Variants in UBE2K observed in about 807,000 individuals in gnomAD.
UBE2K encodes ubiquitin conjugating enzyme E2 K.
UBE2K carries 6 observed loss-of-function variants against 30.0 expected under a neutral mutation model. The observed-to-expected ratio is 0.20, with a 90% CI of 0.11 to 0.39. UBE2K has a LOEUF of 0.39. UBE2K is among the 10% of genes least tolerant of loss of function. The pLI is 1.00. For missense variants in UBE2K, 61 were observed against 241.6 expected, an observed-to-expected ratio of 0.25 and a Z score of 4.96; for synonymous variants, 86 against 83.7, an observed-to-expected ratio of 1.03 and a Z score of -0.15.
chr4:39,736,813 G>A (rs1404932918), intron 1 of UBE2K, among the ~76,000 whole-genome samples: 1 of 152,188 alleles, frequency 6.6e-6, no homozygotes, highest in Non-Finnish European at 1.5e-5. Flanking sequence ...AAAACAAATT[G>A]AAGAAGGCCT....
intron 2 of UBE2K, among the ~76,000 whole-genome samples, chr4:39,739,152 C>T (rs1019823838): frequency 6.6e-6 from 1 of 151,888 alleles, no homozygotes; most frequent in Non-Finnish European, 1.5e-5. Flanking sequence ...CTCAGCCTTC[C>T]GAGCAGCTGG....
intron 1 of UBE2K, among the ~76,000 whole-genome samples, chr4:39,734,627 A>G (rs751780586): frequency 2.0e-5 from 3 of 152,056 alleles, no homozygotes; most frequent in Non-Finnish European, 4.4e-5. Flanking sequence ...CCTGAGAAAC[A>G]TGGCAAAACC....
chr4:39,751,134 G>T (rs745745927), intron 3 of UBE2K, among the ~76,000 whole-genome samples: 4 of 151,370 alleles, frequency 2.6e-5, no homozygotes, highest in Non-Finnish European at 4.4e-5. Flanking sequence ...ATAGGGACGG[G>T]GTCTCACCAT....
chr4:39,718,005 G>C (rs1235370966), intron 1 of UBE2K, among the ~76,000 whole-genome samples: 1 of 152,078 alleles, frequency 6.6e-6, no homozygotes, highest in African/African-American at 2.4e-5. Flanking sequence ...CCCAAAGAGT[G>C]AGCAGTAGCA....
intron 1 of UBE2K, among the ~76,000 whole-genome samples, chr4:39,732,475 A>G (rs1720125571): frequency 6.6e-6 from 1 of 152,192 alleles, no homozygotes; most frequent in South Asian, 2.1e-4. Context: ...GGTAACAATG[A>G]CAATATCATT....
intron 4 of UBE2K, among the ~76,000 whole-genome samples, chr4:39,773,158 T>C (rs894292401): frequency 2.0e-5 from 3 of 152,132 alleles, no homozygotes; most frequent in Admixed American, 2.0e-4. Context: ...CAGAATGTTA[T>C]GGAATGATTT....
At chr4:39,703,986 AG>A (rs1447783660) in intron 1 of UBE2K, among the ~76,000 whole-genome samples, 2 of 152,084 alleles carry the variant, frequency 1.3e-5, no homozygotes, top group Non-Finnish European at 2.9e-5. Flanking sequence ...AAAACTTTTA[AG>A]TTTGTTTCCC....
chr4:39,714,191 G>T, intron 1 of UBE2K: 1 of 154,158 alleles, frequency 6.5e-6, no homozygotes. Context: ...ATGAGCCACC[G>T]GAGCCATCAA....
At chr4:39,765,908 T>TCTACATACATAC (rs1712292276) in intron 4 of UBE2K, among the ~76,000 whole-genome samples, 1 of 149,640 alleles carries the variant, frequency 6.7e-6, no homozygotes, top group South Asian at 2.1e-4. Flanking sequence ...AGGATATATA[T>TCTACATACATAC]ATACATACAT....
At chr4:39,756,528 C>T (rs767136164) in intron 4 of UBE2K, among the ~76,000 whole-genome samples, 19 of 152,054 alleles carry the variant, frequency 1.2e-4, no homozygotes, top group Non-Finnish European at 4.4e-5. Context: ...TCACAGCTCA[C>T]TGCAGCCTTG....
chr4:39,706,981 A>G (rs1216221480), intron 1 of UBE2K, among the ~76,000 whole-genome samples: 1 of 152,036 alleles, frequency 6.6e-6, no homozygotes, highest in African/African-American at 2.4e-5. Flanking sequence ...ATCTCGGCTC[A>G]CTGCAGCCTC....
intron 4 of UBE2K, among the ~76,000 whole-genome samples, chr4:39,766,487 T>C (rs1712348581): frequency 6.6e-6 from 1 of 152,036 alleles, no homozygotes; most frequent in South Asian, 2.1e-4. Flanking sequence ...TTTTTTTTTT[T>C]TGTTATTGAG....
At chr4:39,703,614 C>G (rs1032348364) in intron 1 of UBE2K, among the ~76,000 whole-genome samples, 2 of 151,416 alleles carry the variant, frequency 1.3e-5, no homozygotes, top group Admixed American at 1.3e-4. Flanking sequence ...TTTGGGAGGC[C>G]TAGGCAGGTG....
intron 4 of UBE2K, among the ~76,000 whole-genome samples, chr4:39,759,789 C>G (rs1028072970): frequency 6.6e-6 from 1 of 152,196 alleles, no homozygotes; most frequent in Non-Finnish European, 1.5e-5. Flanking sequence ...TGCTCAGCAT[C>G]ATTACTCATC....
intron 4 of UBE2K, among the ~76,000 whole-genome samples, chr4:39,774,217 TC>T (rs1462823422): frequency 2.0e-5 from 3 of 151,738 alleles, no homozygotes; most frequent in Non-Finnish European, 4.4e-5. Flanking sequence ...GGCAGGAGAA[TC>T]GCTTGAGCCC....
intron 2 of UBE2K, among the ~76,000 whole-genome samples, chr4:39,742,659 T>C (rs943556028): frequency 4.6e-5 from 7 of 152,150 alleles, no homozygotes; most frequent in Non-Finnish European, 1.0e-4. Context: ...GGAGAATTGC[T>C]GGAACTGGGA....
chr4:39,747,838 G>A (rs1221220434), intron 3 of UBE2K, among the ~76,000 whole-genome samples: 1 of 148,802 alleles, frequency 6.7e-6, no homozygotes, highest in Non-Finnish European at 1.5e-5. Context: ...GTCTCGCTCT[G>A]CCGCCCAGGC....
At chr4:39,698,426 C>T (rs1717814993) in intron 1 of UBE2K, 36 bp downstream of exon 1, 1 of 1,585,604 alleles carries the variant, frequency 6.3e-7, no homozygotes, top group East Asian at 2.3e-5. Flanking sequence ...CCCACCTCTG[C>T]CTGGGGCGGG....
At chr4:39,700,792 G>T (rs1717965108) in intron 1 of UBE2K, among the ~76,000 whole-genome samples, 1 of 151,922 alleles carries the variant, frequency 6.6e-6, no homozygotes, top group African/African-American at 2.4e-5. Flanking sequence ...CCTTATAAGA[G>T]CCTTTGTAAA....
Sources: allele counts gnomAD v4.1 joint callset (sites outside exome capture counted in the v4.1 genomes callset), GRCh38; gene constraint gnomAD v4.1.1; transcripts MANE v1.5; gene names NCBI Gene and HGNC (gene_info 2026-07-23, HGNC 2026-07-21).